Variants in PTP4A1 observed in about 807,000 individuals in gnomAD.
PTP4A1 encodes protein tyrosine phosphatase 4A1, also known as protein tyrosine phosphatase type IVA 1.
Under a neutral mutation model 20.5 loss-of-function variants are expected in PTP4A1, and 9 were observed. The ratio of observed to expected loss-of-function variants is 0.44; its 90% CI spans 0.26 to 0.77. The LOEUF (loss-of-function observed/expected upper bound fraction) is 0.77, where lower values mean the gene tolerates loss of function less well. Ranked by LOEUF, PTP4A1 falls within the 30% of genes least tolerant of loss-of-function variation. The pLI is 0.19. For synonymous variants in PTP4A1, 78 were observed against 67.4 expected, an observed-to-expected ratio of 1.16 and a Z score of -0.77; for missense variants, 137 against 218.8, an observed-to-expected ratio of 0.63 and a Z score of 2.36.
At chr6:63,554,790 A>G (rs577286528) in intron 3 of PTP4A1, among the ~76,000 whole-genome samples, 4 of 152,302 alleles carry the variant, frequency 2.6e-5, no homozygotes, top group African/African-American at 9.6e-5. Context: ...CTGTCTCAAA[A>G]AAATGGAACA....
chr6:63,546,992 A>C (rs770324618), intron 2 of PTP4A1, among the ~76,000 whole-genome samples: 35 of 152,126 alleles, frequency 2.3e-4, no homozygotes, highest in Non-Finnish European at 4.3e-4. Context: ...AAAGTTGATA[A>C]AACATTCTTT....
upstream of PTP4A1, chr6:63,572,028 A>C (rs888479868): frequency 2.6e-5 from 4 of 152,224 alleles, no homozygotes; most frequent in African/African-American, 9.7e-5. Context: ...GACCGTGGTT[A>C]AGGCAGTAGA....
chr6:63,548,275 A>G (rs1261189156), intron 2 of PTP4A1, among the ~76,000 whole-genome samples: 1 of 152,202 alleles, frequency 6.6e-6, no homozygotes, highest in Non-Finnish European at 1.5e-5. Flanking sequence ...TTGTTGTGTG[A>G]CATAACTTTT....
In PTP4A1 at chr6:63,581,881, T is replaced by C. The variant is rs1010187909; in HGVS notation, c.*1707T>C. The C allele has an allele frequency of 2.6e-5, 4 of 152,180 alleles. No individual in the cohort carries two copies. The highest frequency in any genetic ancestry group is 4.4e-5 in the Non-Finnish European group (3 of 68,014). 9.4% of individuals were successfully genotyped at this position (152,180 alleles called of 1,614,324 possible). A position where few individuals can be genotyped will look rare whatever the true frequency, so the allele number is the denominator to read the frequency against. ...TGGTACATGAAGGCTTAATGTTAAG[T>C]TTCCTTTAATGATCCACAATAATCC... On this transcript the variant is annotated 3_prime_UTR_variant, in exon 6 of 6. Coordinates refer to ENST00000626021, the MANE Select transcript of PTP4A1 (RefSeq NM_003463.5).
intron 3 of PTP4A1, among the ~76,000 whole-genome samples, chr6:63,555,630 A>G (rs1776647435): frequency 6.6e-6 from 1 of 151,672 alleles, no homozygotes; most frequent in African/African-American, 2.4e-5. Context: ...AAAGGCATAC[A>G]TCCACTCTGT....
At chr6:63,521,611 A>G (rs547722980), upstream of PTP4A1, 1 of 152,348 alleles carries the variant, frequency 6.6e-6, no homozygotes, top group South Asian at 2.1e-4. Flanking sequence ...TTGGAAACAA[A>G]TAGCATATAT....
chr6:63,569,604 A>G (rs1777332973), upstream of PTP4A1, among the ~76,000 whole-genome samples: 1 of 152,124 alleles, frequency 6.6e-6, no homozygotes, highest in African/African-American at 2.4e-5. Flanking sequence ...TTATTTCCCA[A>G]CTGCTGGCTT....
rs973892980 is a variant in PTP4A1 at position 63,537,257 on chromosome 6, G to A, written c.-640+9173G>A. ...GACCAATAGCATCAACGTCCCCTGGGAATTGTTAGAATGCAAATCATCAGG... is the reference window on the plus strand; with the variant it reads ...GACCAATAGCATCAACGTCCCCTGGAAATTGTTAGAATGCAAATCATCAGG... On this transcript the variant is annotated intron_variant, in intron 2 of 3. Transcript: ENST00000639568. 7.2e-5 allele frequency among the ~76,000 whole-genome samples: 11 copies of A among 152,152 alleles called. No homozygotes were observed. The South Asian group carries it at 2.1e-3, about 29-fold the overall frequency.
intron 2 of PTP4A1, chr6:63,548,980 T>C: frequency 2.7e-6 from 2 of 738,398 alleles, no homozygotes; most frequent in East Asian, 2.5e-5. Flanking sequence ...GGGACCCGCA[T>C]TTTATGACAC....
intron 2 of PTP4A1, among the ~76,000 whole-genome samples, chr6:63,530,509 T>A (rs991572097): frequency 1.7e-4 from 26 of 152,280 alleles, no homozygotes; most frequent in Admixed American, 1.4e-3. Flanking sequence ...TCACACAGGC[T>A]ATTTACTGCA....
intron 3 of PTP4A1, among the ~76,000 whole-genome samples, chr6:63,562,407 C>G (rs1296869119): frequency 6.6e-6 from 1 of 152,138 alleles, no homozygotes; most frequent in Admixed American, 6.5e-5. Context: ...CCATGTTGGT[C>G]AGGCTGGTCT....
intron 2 of PTP4A1, chr6:63,549,553 G>A: frequency 1.6e-6 from 1 of 608,888 alleles, no homozygotes; most frequent in Non-Finnish European, 2.9e-6. Flanking sequence ...GATAAATGTT[G>A]ACAAGATTTG....
intron 1 of PTP4A1, among the ~76,000 whole-genome samples, chr6:63,522,404 C>T (rs1321134217): frequency 1.3e-5 from 2 of 152,132 alleles, no homozygotes; most frequent in African/African-American, 4.8e-5. Flanking sequence ...TAAGTAGTCC[C>T]TGCAGGAGAT....
At chr6:63,534,670 A>G in intron 2 of PTP4A1, among the ~76,000 whole-genome samples, 1 of 151,884 alleles carries the variant, frequency 6.6e-6, no homozygotes, top group Admixed American at 6.6e-5. Context: ...AATTGTCACC[A>G]GGCACGGTGG....
At chr6:63,554,814 T>A (rs905001637) in intron 3 of PTP4A1, among the ~76,000 whole-genome samples, 3 of 152,186 alleles carry the variant, frequency 2.0e-5, no homozygotes, top group Admixed American at 6.5e-5. Context: ...TATCAAGCTG[T>A]ATTGTCACTG....
chr6:63,563,572 A>G (rs1004087494), intron 3 of PTP4A1, among the ~76,000 whole-genome samples: 4 of 152,232 alleles, frequency 2.6e-5, no homozygotes, highest in Admixed American at 6.5e-5. Context: ...AATATATTCT[A>G]TGCTTATTTA....
chr6:63,573,568 T>A (rs1358378258), intron 1 of PTP4A1: 2 of 152,204 alleles, frequency 1.3e-5, no homozygotes, highest in Non-Finnish European at 2.9e-5. Context: ...CTCTGGGGCA[T>A]TCCGCGAGCT....
chr6:63,543,878 T>C (rs1776078612), intron 2 of PTP4A1, among the ~76,000 whole-genome samples: 1 of 152,250 alleles, frequency 6.6e-6, no homozygotes, highest in Non-Finnish European at 1.5e-5. Flanking sequence ...TTACTCTTCG[T>C]GTTTATTTGT....
chr6:63,561,435 T>C (rs995048785), intron 3 of PTP4A1, among the ~76,000 whole-genome samples: 9 of 152,228 alleles, frequency 5.9e-5, no homozygotes, highest in Admixed American at 5.2e-4. Flanking sequence ...ACAGATTCAA[T>C]GCCTCTTCCC....
Sources: allele counts gnomAD v4.1 joint callset (sites outside exome capture counted in the v4.1 genomes callset), GRCh38; gene constraint gnomAD v4.1.1; transcripts MANE v1.5; gene names NCBI Gene and HGNC (gene_info 2026-07-23, HGNC 2026-07-21).